The following AP4E1 variants were observed in gnomAD, a reference collection of about 807,000 sequenced individuals.
The protein encoded by AP4E1 is AP-4 complex subunit epsilon-1.
Under a neutral mutation model 128.2 loss-of-function variants are expected in AP4E1, and 56 were observed. That is an observed-to-expected ratio of 0.44 (90% CI 0.35 to 0.55). The LOEUF is 0.55. Ranked by LOEUF, AP4E1 falls within the 20% of genes least tolerant of loss-of-function variation. The pLI, the probability that AP4E1 is intolerant of heterozygous loss-of-function variation, is 0.00. For missense variants in AP4E1, 1,324 were observed against 1,307.7 expected (o/e 1.01, Z -0.19); for synonymous variants, 484 against 473.1 (o/e 1.02, Z -0.30).
chr15:50,982,314 A>G (rs778708748), intron 15 of AP4E1, among the ~76,000 whole-genome samples: 20 of 152,278 alleles, frequency 1.3e-4, no homozygotes, highest in African/African-American at 2.2e-4. Context: ...AAAACGGACT[A>G]TGATTAAGTT....
chr15:50,977,804 G>T (rs2064579284), intron 15 of AP4E1, among the ~76,000 whole-genome samples: 1 of 147,458 alleles, frequency 6.8e-6, no homozygotes, highest in African/African-American at 2.5e-5. Flanking sequence ...CCACTTCTCG[G>T]GTTCAAGCGA....
At chr15:50,970,079 C>T (rs1167814575) in intron 15 of AP4E1, among the ~76,000 whole-genome samples, 2 of 151,992 alleles carry the variant, frequency 1.3e-5, no homozygotes, top group Non-Finnish European at 2.9e-5. Flanking sequence ...TATCCTTTAC[C>T]CTATTCTTCC....
intron 8 of AP4E1, among the ~76,000 whole-genome samples, chr15:50,936,985 T>C (rs2063916535): frequency 6.6e-6 from 1 of 152,180 alleles, no homozygotes; most frequent in African/African-American, 2.4e-5. Flanking sequence ...AGTTTCTTTC[T>C]TTGCAGGCTC....
At chr15:50,993,088 G>A (rs2064825063) in intron 16 of AP4E1, among the ~76,000 whole-genome samples, 1 of 152,118 alleles carries the variant, frequency 6.6e-6, no homozygotes, top group Non-Finnish European at 1.5e-5. Flanking sequence ...TTCTATTTTT[G>A]TATAACTTAA....
chr15:50,992,999 A>G (rs898142912), intron 16 of AP4E1, among the ~76,000 whole-genome samples: 1 of 152,236 alleles, frequency 6.6e-6, no homozygotes, highest in Non-Finnish European at 1.5e-5. Context: ...AGAAATTTCA[A>G]TCATTTCTCA....
rs1350683758 is a variant in AP4E1 at position 50,997,818 on chromosome 15, A to G, written c.2839A>G (p.Thr947Ala). ...DDCLLMVWSV[T>A]NKSGLELKSA... ...TTGTTTATTGATGGTCTGGTCAGTC[A>G]CTAATAAGAGTGGTTTGGAATTGAA... The change falls in exon 18 of 21, where the codon ACT becomes GCT. Residue 947 changes from threonine to alanine, a missense_variant. Physicochemically the swap from Thr to Ala is moderately conservative, Grantham distance 58. Coordinates refer to ENST00000261842, the MANE Select transcript of AP4E1 (RefSeq NM_007347.5). 2 of 1,605,836 alleles carry G rather than the reference A, an allele frequency of 1.2e-6. No homozygotes were observed. The highest frequency in any genetic ancestry group is 1.3e-5 in the African/African-American group (1 of 74,652).
chr15:50,947,956 A>G, intron 10 of AP4E1, 64 bp from the exon 11 acceptor site: 1 of 1,280,476 alleles, frequency 7.8e-7, no homozygotes, highest in Non-Finnish European at 1.1e-6. Flanking sequence ...CCTTTATGTT[A>G]CTGTACTCAT....
intron 3 of AP4E1, among the ~76,000 whole-genome samples, chr15:50,919,255 A>G (rs1596456454): frequency 7.3e-6 from 1 of 137,754 alleles, no homozygotes; most frequent in African/African-American, 2.7e-5. Flanking sequence ...TAATGTGGCC[A>G]GGCACGGTGG....
intron 5 of AP4E1, among the ~76,000 whole-genome samples, chr15:50,925,632 C>CTTTTT (rs33980264): frequency 7.2e-6 from 1 of 138,068 alleles, no homozygotes; most frequent in Non-Finnish European, 1.6e-5. Flanking sequence ...TGGGAAGATG[C>CTTTTT]TTTTTTTTTT....
intron 18 of AP4E1, 81 bp from the exon 19 acceptor site, chr15:50,998,991 A>G (rs2064919778): frequency 1.5e-6 from 2 of 1,343,672 alleles, no homozygotes; most frequent in Non-Finnish European, 2.1e-6. Context: ...TGCCACTTCA[A>G]TTAAATAGAA....
Position 50,924,310 on chromosome 15 carries a change from T to C in AP4E1, c.420+306T>C, listed in dbSNP as rs753544500. Among the ~76,000 whole-genome samples, 4 of 152,168 alleles carry C rather than the reference T, an allele frequency of 2.6e-5. No individual in the cohort carries two copies. The South Asian group carries it at 6.2e-4, about 24-fold the overall frequency. ...CTAAGTTGTTAGTTTAGGTATACTT[T>C]CCATGCTGTTATCTTTTTTTCTAGG... is the stretch of plus-strand genomic sequence containing the variant. On this transcript the variant is annotated intron_variant, in intron 4 of 20. Coordinates refer to ENST00000261842, the MANE Select transcript of AP4E1 (RefSeq NM_007347.5).
intron 16 of AP4E1, among the ~76,000 whole-genome samples, chr15:50,990,986 C>T (rs771182868): frequency 3.3e-5 from 5 of 152,134 alleles, no homozygotes; most frequent in Non-Finnish European, 5.9e-5. Flanking sequence ...CAATGCATTG[C>T]CGGTGACAAC....
chr15:50,916,195 G>T lies in AP4E1; in HGVS notation c.346+624G>T, dbSNP rs147422089. Among the ~76,000 whole-genome samples the T allele has an allele frequency of 5.0e-3, 768 of 152,298 alleles. 8 individuals are homozygous for T. The highest frequency in any genetic ancestry group is 0.018 in the African/African-American group (743 of 41,556). ...TCCACACGCCTTGGCCTCCCAAAGCGCTGGGATTACAGGTGTGAACCACTG... is the reference window on the plus strand; with the variant it reads ...TCCACACGCCTTGGCCTCCCAAAGCTCTGGGATTACAGGTGTGAACCACTG... On this transcript the variant is annotated intron_variant, in intron 3 of 20. Coordinates refer to ENST00000261842, the MANE Select transcript of AP4E1 (RefSeq NM_007347.5).
chr15:50,915,364 T>C, intron 2 of AP4E1, 84 bp from the exon 3 acceptor site: 1 of 1,370,658 alleles, frequency 7.3e-7, no homozygotes, highest in Non-Finnish European at 1.0e-6. Flanking sequence ...ATTAAAGGAT[T>C]CTCCTTTTAA....
intron 10 of AP4E1, among the ~76,000 whole-genome samples, chr15:50,943,526 G>T (rs746923655): frequency 3.9e-5 from 6 of 152,026 alleles, no homozygotes; most frequent in Admixed American, 6.6e-5. Flanking sequence ...AAAATAAGAA[G>T]GCTCGAAGAG....
chr15:50,965,800 T>A (rs1279490079), intron 14 of AP4E1, among the ~76,000 whole-genome samples: 1 of 152,206 alleles, frequency 6.6e-6, no homozygotes, highest in Non-Finnish European at 1.5e-5. Flanking sequence ...TGGAGCTTGA[T>A]CATCCACCTT....
chr15:50,922,192 G>A (rs1027713094), intron 3 of AP4E1, among the ~76,000 whole-genome samples: 5 of 146,210 alleles, frequency 3.4e-5, no homozygotes, highest in Admixed American at 2.8e-4. Context: ...AAATTAGCTC[G>A]GTGTGATGGT....
chr15:50,950,382 T>A (rs896568395), intron 13 of AP4E1, among the ~76,000 whole-genome samples: 3 of 152,338 alleles, frequency 2.0e-5, no homozygotes, highest in African/African-American at 7.2e-5. Flanking sequence ...TATTTACTTG[T>A]CTCTTTGTGT....
chr15:50,992,832 G>A (rs1383148170), intron 16 of AP4E1, among the ~76,000 whole-genome samples: 10 of 152,136 alleles, frequency 6.6e-5, no homozygotes, highest in Non-Finnish European at 1.5e-4. Context: ...TGGGGAGCAT[G>A]TATTCAGGGC....
Sources: allele counts gnomAD v4.1 joint callset (sites outside exome capture counted in the v4.1 genomes callset), GRCh38; gene constraint gnomAD v4.1.1; transcripts MANE v1.5; gene names NCBI Gene and HGNC (gene_info 2026-07-23, HGNC 2026-07-21).